Variants in STK32B observed in about 807,000 individuals in gnomAD.
The protein encoded by STK32B is serine/threonine kinase 32B.
Under a neutral mutation model 52.6 loss-of-function variants are expected in STK32B, and 43 were observed. The observed-to-expected ratio is 0.82, with a 90% CI of 0.64 to 1.05. The LOEUF (loss-of-function observed/expected upper bound fraction) is 1.05. Ranked by LOEUF, STK32B falls within the 50% of genes least tolerant of loss-of-function variation. The pLI, the probability that STK32B is intolerant of heterozygous loss-of-function variation, is 0.00. For synonymous variants in STK32B, 238 were observed against 204.3 expected (o/e 1.17, Z -1.41); for missense variants, 621 against 534.6 (o/e 1.16, Z -1.59).
chr4:5,302,392 T>C (rs1466012622), intron 3 of STK32B, among the ~76,000 whole-genome samples: 1 of 152,072 alleles, frequency 6.6e-6, no homozygotes, highest in African/African-American at 2.4e-5. Context: ...GAAATCTGTC[T>C]ACCCTAAAGT....
chr4:5,111,938 C>T (rs13137635), intron 1 of STK32B, among the ~76,000 whole-genome samples: 150,610 of 152,192 alleles, frequency 0.99, 74,551 homozygotes, highest in Middle Eastern at 1. Flanking sequence ...AAGGAGATTT[C>T]ATCATGCAGG....
At chr4:5,170,552 A>T (rs1719287262) in intron 3 of STK32B, among the ~76,000 whole-genome samples, 1 of 151,842 alleles carries the variant, frequency 6.6e-6, no homozygotes, top group Non-Finnish European at 1.5e-5. Context: ...GAGTAAGAAC[A>T]TGCAGTGTGT....
chr4:5,079,789 G>A (rs1261925884), intron 1 of STK32B, among the ~76,000 whole-genome samples: 1 of 152,174 alleles, frequency 6.6e-6, no homozygotes, highest in Non-Finnish European at 1.5e-5. Flanking sequence ...CACTGCAGTA[G>A]TCTGGACTAT....
At chr4:5,468,983 G>A (rs181207547) in intron 11 of STK32B, among the ~76,000 whole-genome samples, 48 of 151,636 alleles carry the variant, frequency 3.2e-4, no homozygotes, top group African/African-American at 1.1e-3. Flanking sequence ...CCGGGAGGCA[G>A]AGCTTGCAGT....
chr4:5,430,000 T>G (rs1713434210), intron 6 of STK32B, among the ~76,000 whole-genome samples: 1 of 152,108 alleles, frequency 6.6e-6, no homozygotes, highest in South Asian at 2.1e-4. Context: ...TTCAGCTGAC[T>G]CCAAGATTTT....
intron 2 of STK32B, among the ~76,000 whole-genome samples, chr4:5,165,187 T>TC (rs1718774464): frequency 6.6e-6 from 1 of 152,122 alleles, no homozygotes; most frequent in African/African-American, 2.4e-5. Context: ...CACACTCAGG[T>TC]CTCTGCATCA....
At position 5,163,537 on chromosome 4, in the gene STK32B, GC is replaced by G. The variant is rs1446806064; in HGVS notation, c.109-4761del. On this transcript the variant is annotated intron_variant, in intron 2 of 11. Coordinates refer to ENST00000282908, the MANE Select transcript of STK32B (RefSeq NM_018401.3). ...CTAAAGAGTTTGAGATAGAGTGAAG[GC>G]TGTGTGTGTGTGTGTGTGTGTGTGT... is the stretch of plus-strand genomic sequence containing the variant. Among the ~76,000 whole-genome samples the G allele has an allele frequency of 1.5e-4, 13 of 84,020 alleles. No homozygotes were observed. In the East Asian group the frequency reaches 4.7e-3, roughly 30 times the overall value. The allele number at this position is 84,020 out of a possible 152,430, so 55.1% of individuals were successfully genotyped here.
chr4:5,444,310 G>A (rs545308255), intron 6 of STK32B, among the ~76,000 whole-genome samples: 6 of 152,200 alleles, frequency 3.9e-5, no homozygotes, highest in African/African-American at 7.2e-5. Context: ...GTGGTGCACC[G>A]TTTTTTAAGC....
At chr4:5,029,330 A>T in the STK32B span, among the ~76,000 whole-genome samples, 7 of 152,224 alleles carry the variant, frequency 4.6e-5, no homozygotes, top group African/African-American at 1.4e-4. Flanking sequence ...GGTGATCCTA[A>T]TGCAATCACA....
chr4:5,337,145 AT>A (rs55790354), intron 4 of STK32B, among the ~76,000 whole-genome samples: 102,512 of 142,922 alleles, frequency 0.72, 38,444 homozygotes, highest in Non-Finnish European at 0.87. Flanking sequence ...TCCCTGGCCA[AT>A]TTTTTTTTTT....
chr4:5,132,014 A>C (rs1276109195), intron 1 of STK32B, among the ~76,000 whole-genome samples: 4 of 152,172 alleles, frequency 2.6e-5, no homozygotes, highest in Admixed American at 1.3e-4. Flanking sequence ...GAGTCCTCAT[A>C]AGAGGGAGGC....
rs148569712 is a variant in STK32B, at chr4:5,248,258, G to C, written c.260+79808G>C. On this transcript the variant is annotated intron_variant, in intron 3 of 11. Coordinates refer to ENST00000282908, the MANE Select transcript of STK32B (RefSeq NM_018401.3). ...GAGGCCTCCAAGATCCCTGCTCTCT[G>C]TAATACATGTTATTTTCTATAGTAA... Among the ~76,000 whole-genome samples the C allele has an allele frequency of 2.0e-3, 303 of 152,298 alleles. 2 individuals carry two copies. The highest frequency in any genetic ancestry group is 6.9e-3 in the African/African-American group (288 of 41,550).
chr4:5,130,577 ACTGCAGTGGTCTAAT>A (rs1194939895), intron 1 of STK32B, among the ~76,000 whole-genome samples: 1 of 152,036 alleles, frequency 6.6e-6, no homozygotes, highest in East Asian at 1.9e-4. Flanking sequence ...CTTCCTGAGA[ACTGCAGTGGTCTAAT>A]CTGTTGTCCA....
At chr4:5,069,111 G>A (rs1416002614) in intron 1 of STK32B, among the ~76,000 whole-genome samples, 1 of 152,158 alleles carries the variant, frequency 6.6e-6, no homozygotes, top group Non-Finnish European at 1.5e-5. Flanking sequence ...TACAGATGCA[G>A]GGTTGGAGCT....
At chr4:5,100,801 C>CTGCT (rs374041243) in intron 1 of STK32B, among the ~76,000 whole-genome samples, 20 of 120,716 alleles carry the variant, frequency 1.7e-4, no homozygotes, top group Admixed American at 3.4e-4. Context: ...TATTCCTTCC[C>CTGCT]CTTCCTTCCT....
intron 1 of STK32B, among the ~76,000 whole-genome samples, chr4:5,109,773 A>G (rs1231863321): frequency 6.6e-6 from 1 of 152,242 alleles, no homozygotes; most frequent in Non-Finnish European, 1.5e-5. Context: ...CAGAGCAATC[A>G]GGCAGGAGAG....
the STK32B span, among the ~76,000 whole-genome samples, chr4:5,038,720 G>GT: frequency 1.3e-5 from 2 of 152,206 alleles, no homozygotes; most frequent in Admixed American, 6.5e-5. Flanking sequence ...GGACTGGAGA[G>GT]TTGCTCTGGA....
chr4:5,299,523 G>T (rs1461690146), intron 3 of STK32B, among the ~76,000 whole-genome samples: 1 of 152,092 alleles, frequency 6.6e-6, no homozygotes, highest in African/African-American at 2.4e-5. Flanking sequence ...TGAGTAAGGT[G>T]TCCTTTCCCC....
chr4:5,167,674 C>G (rs1718983477), intron 2 of STK32B, among the ~76,000 whole-genome samples: 1 of 152,244 alleles, frequency 6.6e-6, no homozygotes, highest in African/African-American at 2.4e-5. Context: ...CTGGCATCAG[C>G]CTCATCCCAG....
Sources: allele counts gnomAD v4.1 joint callset (sites outside exome capture counted in the v4.1 genomes callset), GRCh38; gene constraint gnomAD v4.1.1; transcripts MANE v1.5; gene names NCBI Gene and HGNC (gene_info 2026-07-23, HGNC 2026-07-21).